NOTCH2NLC: variants seen among roughly 807,000 people sequenced by gnomAD.
NOTCH2NLC encodes notch 2 N-terminal like C.
NOTCH2NLC carries 4 observed loss-of-function variants against 17.7 expected under a neutral mutation model. The ratio of observed to expected loss-of-function variants is 0.23; its 90% CI spans 0.11 to 0.52. The LOEUF (loss-of-function observed/expected upper bound fraction) is 0.52. NOTCH2NLC is among the 20% of genes least tolerant of loss of function. NOTCH2NLC has a pLI of 0.96. For synonymous variants in NOTCH2NLC, 18 were observed against 86.0 expected (o/e 0.21, Z 4.38); for missense variants, 57 against 207.2 (o/e 0.28, Z 4.45).
intron 2 of NOTCH2NLC, among the ~76,000 whole-genome samples, chr1:149,448,901 A>T: frequency 7.3e-6 from 1 of 136,146 alleles, no homozygotes; most frequent in African/African-American, 2.7e-5. Flanking sequence ...TTTTTTTTTG[A>T]GAGGGAGTCT....
chr1:149,427,430 C>G (rs1359171210), intron 1 of NOTCH2NLC, among the ~76,000 whole-genome samples: 3 of 146,004 alleles, frequency 2.1e-5, no homozygotes, highest in South Asian at 2.2e-4. Flanking sequence ...TCCATGTTGT[C>G]TCAAATGACA....
At chr1:149,448,934 T>A (rs1231594152) in intron 2 of NOTCH2NLC, among the ~76,000 whole-genome samples, 4 of 143,324 alleles carry the variant, frequency 2.8e-5, no homozygotes, top group Admixed American at 1.4e-4. Context: ...CAGGCTGGAG[T>A]GCAGTGGCGC....
chr1:149,417,298 C>T (rs1395742526), intron 1 of NOTCH2NLC, among the ~76,000 whole-genome samples: 5 of 150,096 alleles, frequency 3.3e-5, no homozygotes, highest in African/African-American at 4.9e-5. Context: ...TCAGTAGAGA[C>T]GGGGTTTCAC....
At chr1:149,463,101 T>G (rs2084659970) in intron 3 of NOTCH2NLC, among the ~76,000 whole-genome samples, 1 of 150,548 alleles carries the variant, frequency 6.6e-6, no homozygotes, top group South Asian at 2.1e-4. Flanking sequence ...CCCAAAGTGC[T>G]GGAATTACAG....
At chr1:149,419,335 C>A (rs1238671882) in intron 1 of NOTCH2NLC, among the ~76,000 whole-genome samples, 2 of 150,628 alleles carry the variant, frequency 1.3e-5, no homozygotes, top group African/African-American at 4.9e-5. Context: ...GGTGTTGCTG[C>A]AAATGGAGAA....
intron 1 of NOTCH2NLC, among the ~76,000 whole-genome samples, chr1:149,403,941 GA>G (rs2084254560): frequency 6.9e-6 from 1 of 144,490 alleles, no homozygotes. Flanking sequence ...AAAAATTTCT[GA>G]CTTGCTTCAT....
chr1:149,415,146 C>A (rs1441971567), intron 1 of NOTCH2NLC, among the ~76,000 whole-genome samples: 87 of 105,590 alleles, frequency 8.2e-4, no homozygotes, highest in Non-Finnish European at 1.6e-3. Context: ...TTTTTGAAGT[C>A]TTTCCACCTT....
At chr1:149,419,905 C>T (rs1286628971) in intron 1 of NOTCH2NLC, among the ~76,000 whole-genome samples, 4 of 110,806 alleles carry the variant, frequency 3.6e-5, no homozygotes, top group African/African-American at 1.0e-4. Flanking sequence ...CTTGCTGTGT[C>T]GCCCAGGCTG....
rs1308330184 is a variant in NOTCH2NLC, at chr1:149,399,879, G to A, written c.135+8957G>A. ...GGTTTACGTAGCAACAGAATTATTC[G>A]TTATGTTTACAGATAATTAACTCAT... On this transcript the variant is annotated intron_variant, in intron 1 of 4. Transcript: ENST00000650865. Among the ~76,000 whole-genome samples the A allele has an allele frequency of 3.0e-4, 45 of 148,548 alleles. 2 individuals are homozygous for A. The highest frequency in any genetic ancestry group is 4.9e-4 in the Non-Finnish European group (33 of 66,816).
At chr1:149,416,935 G>A (rs1317164365) in intron 1 of NOTCH2NLC, among the ~76,000 whole-genome samples, 2 of 143,852 alleles carry the variant, frequency 1.4e-5, no homozygotes, top group African/African-American at 2.5e-5. Flanking sequence ...TTTTTGATAA[G>A]CAAGTCCTGG....
intron 2 of NOTCH2NLC, among the ~76,000 whole-genome samples, chr1:149,445,604 CCAAGAGGCCCAGGG>C (rs2084545963): frequency 6.6e-6 from 1 of 150,682 alleles, no homozygotes; most frequent in South Asian, 2.1e-4. Flanking sequence ...GATTGGGGGG[CCAAGAGGCCCAGGG>C]CAAGAAGAAA....
chr1:149,408,999 C>T (rs2084283990), intron 1 of NOTCH2NLC: 1 of 981,686 alleles, frequency 1.0e-6, no homozygotes, highest in Non-Finnish European at 1.2e-6. Context: ...TTGTCTAGCA[C>T]ATCAAGGCTA....
At chr1:149,429,935 T>C (rs1457716397) in intron 1 of NOTCH2NLC, among the ~76,000 whole-genome samples, 2 of 150,986 alleles carry the variant, frequency 1.3e-5, no homozygotes, top group Non-Finnish European at 3.0e-5. Flanking sequence ...CAATTTGATA[T>C]TTATTGTTTG....
intron 1 of NOTCH2NLC, among the ~76,000 whole-genome samples, chr1:149,412,066 T>C (rs2084300781): frequency 9.8e-6 from 1 of 102,188 alleles, no homozygotes; most frequent in Non-Finnish European, 2.0e-5. Context: ...CAGTGAGCCA[T>C]GATTATGCCA....
chr1:149,416,629 C>T (rs2084336634), intron 1 of NOTCH2NLC, among the ~76,000 whole-genome samples: 1 of 124,648 alleles, frequency 8.0e-6, no homozygotes, highest in Admixed American at 8.2e-5. Flanking sequence ...CCATAATTTC[C>T]TTTTGCTCCT....
chr1:149,412,026 G>A (rs1475128967), intron 1 of NOTCH2NLC, among the ~76,000 whole-genome samples: 1 of 107,450 alleles, frequency 9.3e-6, no homozygotes, highest in Non-Finnish European at 1.9e-5. Context: ...TGAGGCAGGA[G>A]GATTGCTTGA....
intron 3 of NOTCH2NLC, among the ~76,000 whole-genome samples, chr1:149,462,708 A>G (rs2084656837): frequency 6.7e-6 from 1 of 149,866 alleles, no homozygotes; most frequent in African/African-American, 2.4e-5. Flanking sequence ...AAAATAGCAA[A>G]CTTGGTGTAT....
intron 1 of NOTCH2NLC, among the ~76,000 whole-genome samples, chr1:149,391,743 A>T (rs2084169760): frequency 7.8e-5 from 11 of 140,172 alleles, no homozygotes; most frequent in Admixed American, 2.1e-4. Flanking sequence ...CTCCTTTGGC[A>T]TGGCTGGGGG....
chr1:149,462,818 A>G (rs1188621124), intron 3 of NOTCH2NLC, among the ~76,000 whole-genome samples: 1 of 146,536 alleles, frequency 6.8e-6, no homozygotes, highest in Non-Finnish European at 1.5e-5. Flanking sequence ...CACTAGGAAA[A>G]CAGACGGGAA....
Sources: gnomAD v4.1 joint callset for allele counts (sites outside exome capture counted in the v4.1 genomes callset) on GRCh38, gnomAD v4.1.1 for gene constraint, MANE v1.5 for transcripts, NCBI Gene and HGNC (gene_info 2026-07-23, HGNC 2026-07-21) for gene names.